ORAI2: variants seen among roughly 807,000 people sequenced by gnomAD.
The protein encoded by ORAI2 is protein orai-2.
Under a neutral mutation model 16.2 loss-of-function variants are expected in ORAI2, and 10 were observed. The observed-to-expected ratio is 0.62, with a 90% CI of 0.38 to 1.04. ORAI2 has a LOEUF of 1.04. Ranked by LOEUF, ORAI2 falls within the 50% of genes least tolerant of loss-of-function variation. The probability of loss-of-function intolerance (pLI) is 0.01; values close to 1 mark genes in which losing one functional copy is unlikely to be tolerated. For synonymous variants in ORAI2, 150 were observed against 157.5 expected (o/e 0.95, Z 0.35); for missense variants, 238 against 355.5 (o/e 0.67, Z 2.66).
chr7:102,440,322 T>C (rs981492185), intron 3 of ORAI2, among the ~76,000 whole-genome samples: 8 of 152,128 alleles, frequency 5.3e-5, no homozygotes, highest in African/African-American at 1.7e-4. Flanking sequence ...GCTTTTGGCC[T>C]GGCTCCCAGC....
intron 3 of ORAI2, among the ~76,000 whole-genome samples, chr7:102,442,551 G>A (rs1318468308): frequency 3.3e-5 from 5 of 152,154 alleles, no homozygotes; most frequent in Non-Finnish European, 7.4e-5. Context: ...GCCATGCGTG[G>A]TGGCACACGC....
intron 1 of ORAI2, among the ~76,000 whole-genome samples, chr7:102,434,477 C>G (rs963474196): frequency 6.6e-6 from 1 of 152,194 alleles, no homozygotes; most frequent in African/African-American, 2.4e-5. Flanking sequence ...GGAGGCCTGG[C>G]GGCTCCCAGG....
intron 3 of ORAI2, among the ~76,000 whole-genome samples, chr7:102,443,422 G>C (rs1350752744): frequency 2.0e-5 from 3 of 151,522 alleles, no homozygotes; most frequent in Non-Finnish European, 4.4e-5. Context: ...GGGACTACAG[G>C]CGCCCGCTTT....
At chr7:102,445,783 T>C (rs1404999188) in intron 3 of ORAI2, among the ~76,000 whole-genome samples, 1 of 151,852 alleles carries the variant, frequency 6.6e-6, no homozygotes. Context: ...ACCCAGCCAG[T>C]TTTTCACTTC....
At chr7:102,446,398 T>C (rs1401223916) in intron 3 of ORAI2, 115 bp from the exon 4 acceptor site, 5 of 1,121,396 alleles carry the variant, frequency 4.5e-6, no homozygotes, top group Admixed American at 5.3e-5. Flanking sequence ...GGCAAGCCCA[T>C]GGCTACCCTG....
intron 3 of ORAI2, among the ~76,000 whole-genome samples, chr7:102,443,192 C>G (rs1797260623): frequency 6.8e-6 from 1 of 147,158 alleles, no homozygotes; most frequent in South Asian, 2.1e-4. Flanking sequence ...TCTTGAACTC[C>G]TGGGCTTAAG....
At chr7:102,441,042 A>G (rs538459702) in intron 3 of ORAI2, among the ~76,000 whole-genome samples, 76 of 151,736 alleles carry the variant, frequency 5.0e-4, no homozygotes, top group Non-Finnish European at 2.7e-4. Context: ...ACAGGCACAC[A>G]TCACCACGCC....
chr7:102,434,181 A>G (rs1210363129), intron 1 of ORAI2, among the ~76,000 whole-genome samples: 2 of 145,912 alleles, frequency 1.4e-5, no homozygotes, highest in Non-Finnish European at 3.0e-5. Context: ...AGCATCCTCT[A>G]GGGTCTGTGC....
Position 102,455,206 on chromosome 7 carries a change from AAGAG to A in ORAI2, c.*8156_*8159del, listed in dbSNP as rs1025703770. On this transcript the variant is annotated 3_prime_UTR_variant, in exon 4 of 4. Coordinates refer to ENST00000495936, the MANE Select transcript of ORAI2 (RefSeq NM_001126340.3). ...CGCCGCCTGAAAGAAAGAAAAAAGA[AAGAG>A]AAAGGAAGAGAAAGAAAGGAAAAGA... 3 of 152,502 alleles carry A rather than the reference AAGAG, an allele frequency of 2.0e-5. No individual in the cohort carries two copies. The highest frequency in any genetic ancestry group is 4.8e-5 in the African/African-American group (2 of 41,428). The allele number at this position is 152,502 out of a possible 1,614,324, so 9.4% of individuals were successfully genotyped here.
chr7:102,448,146 T>C lies in ORAI2; in HGVS notation c.*1094T>C, dbSNP rs1049584990. 3 of 152,396 alleles carry C rather than the reference T, an allele frequency of 2.0e-5. No individual in the cohort carries two copies. The highest frequency in any genetic ancestry group is 7.2e-5 in the African/African-American group (3 of 41,486). The allele number at this position is 152,396 out of a possible 1,614,324, so 9.4% of individuals were successfully genotyped here. On this transcript the variant is annotated 3_prime_UTR_variant, in exon 4 of 4. Transcript: ENST00000495936. ...CCAGGCCAAATGAGTGCCCTCCTTG[T>C]TATGACACCAAGTGACTACAAGGGA...
intron 3 of ORAI2, among the ~76,000 whole-genome samples, 183 bp downstream of exon 3, chr7:102,439,364 G>A (rs896885409): frequency 2.6e-5 from 4 of 152,204 alleles, no homozygotes; most frequent in East Asian, 1.9e-4. Context: ...GAGTGGGGGC[G>A]CTGGGAGTTG....
chr7:102,443,125 CTTCTTCTTTTT>C (rs1432464573), intron 3 of ORAI2, among the ~76,000 whole-genome samples: 15 of 26,620 alleles, frequency 5.6e-4, no homozygotes, highest in African/African-American at 1.0e-3. Context: ...TCTTCTTCTT[CTTCTTCTTTTT>C]TTTTTTTTTA....
chr7:102,447,074 G>T lies in ORAI2; in HGVS notation c.*22G>T. The T allele has an allele frequency of 6.6e-7, 1 of 1,507,392 alleles. No homozygotes were observed. The highest frequency in any genetic ancestry group is 1.3e-5 in the South Asian group (1 of 79,730). The allele number at this position is 1,507,392 out of a possible 1,614,324, so 93.4% of individuals were successfully genotyped here. On this transcript the variant is annotated 3_prime_UTR_variant, in exon 4 of 4. Coordinates refer to ENST00000495936, the MANE Select transcript of ORAI2 (RefSeq NM_001126340.3). ...GTGAGGGGCCGAGGGCCGGGGCTGGGAGCGGCCCTGTGCCCGGGAGTCCGC... is the reference window on the plus strand; with the variant it reads ...GTGAGGGGCCGAGGGCCGGGGCTGGTAGCGGCCCTGTGCCCGGGAGTCCGC...
chr7:102,434,324 G>A (rs537827298), intron 1 of ORAI2, among the ~76,000 whole-genome samples: 3 of 152,168 alleles, frequency 2.0e-5, no homozygotes, highest in South Asian at 2.1e-4. Context: ...GGAACATAAA[G>A]GATGGATTTG....
rs1442786733 is a variant in ORAI2, at chr7:102,448,932, G to A, written c.*1880G>A. On this transcript the variant is annotated 3_prime_UTR_variant, in exon 4 of 4. Transcript: ENST00000495936. ...TCTTCATGCTCTGATCACATCTCTC[G>A]TAAAAGCTTAAGCTCTCTCCGGGGT... 1 of 151,492 alleles carries A rather than the reference G, an allele frequency of 6.6e-6. No individual in the cohort carries two copies. The highest frequency in any genetic ancestry group is 1.5e-5 in the Non-Finnish European group (1 of 67,996). The allele number at this position is 151,492 out of a possible 1,614,324, so 9.4% of individuals were successfully genotyped here.
chr7:102,440,218 G>A (rs1797158975), intron 3 of ORAI2, among the ~76,000 whole-genome samples: 1 of 152,206 alleles, frequency 6.6e-6, no homozygotes, highest in Non-Finnish European at 1.5e-5. Context: ...GGATCTCTGA[G>A]CAGGGCCTCA....
intron 3 of ORAI2, among the ~76,000 whole-genome samples, chr7:102,445,538 T>A (rs1316401446): frequency 6.6e-6 from 1 of 152,020 alleles, no homozygotes; most frequent in South Asian, 2.1e-4. Context: ...CAGCCTGTTA[T>A]CTCCCGGGTT....
chr7:102,441,567 C>T (rs1161729732), intron 3 of ORAI2, among the ~76,000 whole-genome samples: 30 of 150,984 alleles, frequency 2.0e-4, no homozygotes. Flanking sequence ...AAAAAAAAAC[C>T]AGAGGTGGCT....
chr7:102,447,022 C>T lies in ORAI2; in HGVS notation c.735C>T (p.Asp245=), dbSNP rs760784577. 3.2e-6 allele frequency: 5 copies of T among 1,557,502 alleles called. No individual in the cohort carries two copies. The highest frequency in any genetic ancestry group is 1.7e-4 in the Middle Eastern group (1 of 5,992). ...TCCACAAGCTCAAGGTCCAGCTGGA[C>T]GGGCATGAGCGCAGCCTGCAGGTCT... The part of the protein sequence containing the change: ...EELHKLKVQL[D]GHERSLQVL Residue 245 remains aspartate (D), a synonymous_variant, in exon 4 of 4, where the codon GAC becomes GAT. Coordinates refer to ENST00000495936, the MANE Select transcript of ORAI2 (RefSeq NM_001126340.3).
Sources: gnomAD v4.1 joint callset for allele counts (sites outside exome capture counted in the v4.1 genomes callset) on GRCh38, gnomAD v4.1.1 for gene constraint, MANE v1.5 for transcripts, NCBI Gene and HGNC (gene_info 2026-07-23, HGNC 2026-07-21) for gene names.